The following PLCH1 variants were observed in gnomAD, a reference collection of about 807,000 sequenced individuals.
The protein encoded by PLCH1 is phospholipase C eta 1.
In PLCH1, 60 loss-of-function variants were observed where a neutral mutation model predicts 126.7. The observed-to-expected ratio is 0.47, with a 90% CI of 0.38 to 0.59. The LOEUF is 0.59. Ranked by LOEUF, PLCH1 falls within the 20% of genes least tolerant of loss-of-function variation. PLCH1 has a pLI of 0.00. For missense variants in PLCH1, 1,723 were observed against 2,040.0 expected (o/e 0.84, Z 2.99); for synonymous variants, 719 against 734.9 (o/e 0.98, Z 0.35).
chr3:155,646,461 C>A (rs1740074460), intron 2 of PLCH1, among the ~76,000 whole-genome samples: 1 of 152,188 alleles, frequency 6.6e-6, no homozygotes. Flanking sequence ...CTCAGCACTG[C>A]CGACCATAAT....
chr3:155,490,185 G>C (rs142460028), intron 19 of PLCH1, among the ~76,000 whole-genome samples: 1 of 152,088 alleles, frequency 6.6e-6, no homozygotes, highest in Non-Finnish European at 1.5e-5. Context: ...GGAAAAATAG[G>C]TATACAATAA....
intron 2 of PLCH1, among the ~76,000 whole-genome samples, chr3:155,659,547 T>C (rs1741878252): frequency 6.6e-6 from 1 of 151,918 alleles, no homozygotes; most frequent in South Asian, 2.1e-4. Context: ...TTGCCCAGGC[T>C]GGAGTGCAGT....
At chr3:155,559,361 A>G (rs972829810) in intron 8 of PLCH1, among the ~76,000 whole-genome samples, 1 of 152,170 alleles carries the variant, frequency 6.6e-6, no homozygotes, top group African/African-American at 2.4e-5. Flanking sequence ...AAATCATAGT[A>G]GGTCCTCTTT....
chr3:155,668,084 C>CAAAA (rs756879174), intron 2 of PLCH1, among the ~76,000 whole-genome samples: 8 of 37,976 alleles, frequency 2.1e-4, no homozygotes, highest in African/African-American at 3.5e-4. Flanking sequence ...GACTCCATCT[C>CAAAA]AAAAAAAAAA....
rs552148988 is a variant in PLCH1, at chr3:155,470,856, A to T, written c.2938+14500T>A. Among the ~76,000 whole-genome samples, 11 of 152,108 alleles carry T rather than the reference A, an allele frequency of 7.2e-5. No individual in the cohort carries two copies. The East Asian group carries it at 2.1e-3, about 29-fold the overall frequency. ...TCATAAGTGAAGGAGAAATAAAATA[A>T]TTTACAAACAAGCAAATGCTGAGAG... On this transcript the variant is annotated intron_variant, in intron 21 of 21. Transcript: ENST00000494598.
intron 6 of PLCH1, among the ~76,000 whole-genome samples, chr3:155,580,848 CCTTTT>C (rs1730573753): frequency 6.6e-6 from 1 of 152,106 alleles, no homozygotes; most frequent in Non-Finnish European, 1.5e-5. Context: ...CATTCTCTTT[CCTTTT>C]ATCATAGACT....
At chr3:155,485,911 T>G in intron 21 of PLCH1, 1 of 602,160 alleles carries the variant, frequency 1.7e-6, no homozygotes, top group Non-Finnish European at 2.9e-6. Flanking sequence ...TTGCAAGGAC[T>G]TCAGCCTTCC....
At chr3:155,476,401 C>T (rs949227003), downstream of PLCH1, among the ~76,000 whole-genome samples, 21 of 152,194 alleles carry the variant, frequency 1.4e-4, no homozygotes, top group African/African-American at 5.1e-4. Context: ...AGGGTGCCCA[C>T]TGTCACCATT....
At chr3:155,478,878 C>A (rs1446431890), downstream of PLCH1, among the ~76,000 whole-genome samples, 2 of 152,062 alleles carry the variant, frequency 1.3e-5, no homozygotes, top group Non-Finnish European at 2.9e-5. Flanking sequence ...CTATTTTCTT[C>A]TTTTGGGAGG....
chr3:155,583,501 G>C lies in PLCH1; in HGVS notation c.742C>G (p.Leu248Val). 2 of 1,606,548 alleles carry C rather than the reference G, an allele frequency of 1.2e-6. No homozygotes were observed. Among genetic ancestry groups the C allele is most frequent in the Non-Finnish European group, 1.7e-6 (2 of 1,177,716 alleles). Reference protein sequence around the residue: ...DKKDHLTVEELAQFLKVEQKM... With the variant: ...DKKDHLTVEEVAQFLKVEQKM... The stretch of plus-strand genomic sequence containing the variant: ...TGCTCCACCTTCAAAAACTGAGCCA[G>C]TTCTTCCACAGTTAGGTGATCTTTC... Residue 248 changes from leucine to valine, a missense_variant, in exon 6 of 23, where the codon CTG (leucine) becomes GTG (valine). By Grantham distance (32) the Leu-to-Val change is conservative. Around this residue, in one of 2 missense-constraint regions of PLCH1, gnomAD observed 776 missense variants for 1,062.9 expected, o/e 0.73. Transcript: ENST00000460012.
intron 2 of PLCH1, among the ~76,000 whole-genome samples, chr3:155,600,887 G>A (rs1294765751): frequency 6.6e-6 from 1 of 152,178 alleles, no homozygotes; most frequent in Non-Finnish European, 1.5e-5. Flanking sequence ...ATGAGTCGAA[G>A]ACTATATTCC....
At chr3:155,571,545 C>A (rs1380023768) in intron 6 of PLCH1, among the ~76,000 whole-genome samples, 2 of 152,118 alleles carry the variant, frequency 1.3e-5, no homozygotes, top group African/African-American at 4.8e-5. Flanking sequence ...GGATTACTGG[C>A]ACACGCCACC....
intron 12 of PLCH1, among the ~76,000 whole-genome samples, chr3:155,506,102 T>C (rs963276169): frequency 1.3e-5 from 2 of 152,170 alleles, no homozygotes; most frequent in Non-Finnish European, 2.9e-5. Context: ...TAGGAACCTA[T>C]TATACCCTAA....
chr3:155,628,889 T>C (rs1737686034), intron 2 of PLCH1, among the ~76,000 whole-genome samples: 1 of 152,216 alleles, frequency 6.6e-6, no homozygotes, highest in South Asian at 2.1e-4. Context: ...GGAGATGTTA[T>C]ATTCACTTTA....
Position 155,583,647 on chromosome 3 carries a change from A to T in PLCH1, c.601-5T>A, listed in dbSNP as rs1374222865. ...ATTCTCATCTGTGTCGGCTTCCTGA[A>T]AAGGGCATAGAGAAAATAAAGTAAT... On this transcript the variant is annotated splice_region_variant and splice_polypyrimidine_tract_variant and intron_variant, in intron 5 of 22. Coordinates refer to ENST00000460012, the MANE Select transcript of PLCH1 (RefSeq NM_014996.4). 6.4e-7 allele frequency: 1 copy of T among 1,558,266 alleles called. No individual in the cohort carries two copies. The highest frequency in any genetic ancestry group is 2.3e-5 in the East Asian group (1 of 42,622).
intron 2 of PLCH1, among the ~76,000 whole-genome samples, chr3:155,681,886 G>A (rs941778324): frequency 6.6e-6 from 1 of 152,154 alleles, no homozygotes; most frequent in African/African-American, 2.4e-5. Context: ...CTGAGGCATT[G>A]TCCTGTCTGA....
chr3:155,515,932 G>C (rs1051904882), intron 11 of PLCH1, among the ~76,000 whole-genome samples: 1 of 152,162 alleles, frequency 6.6e-6, no homozygotes, highest in East Asian at 1.9e-4. Flanking sequence ...TGCATAATGG[G>C]TAGCTTTCCA....
At position 155,586,207 on chromosome 3, in the gene PLCH1, C is replaced by A; in HGVS notation, c.471-13G>T. 6.2e-7 allele frequency: 1 copy of A among 1,613,816 alleles called. No individual in the cohort carries two copies. Among genetic ancestry groups the A allele is most frequent in the South Asian group, 1.1e-5 (1 of 91,050 alleles). Reference sequence around the variant, plus strand: ...CTGCTTCACCCATGTGCAGAAAGGTCAAAGAAAACACCTGTGCTCTCATCA... The same window carrying A: ...CTGCTTCACCCATGTGCAGAAAGGTAAAAGAAAACACCTGTGCTCTCATCA... On this transcript the variant is annotated splice_polypyrimidine_tract_variant and intron_variant, in intron 4 of 22. Transcript: ENST00000460012.
At chr3:155,451,501 C>A (rs1712306710) in intron 21 of PLCH1, among the ~76,000 whole-genome samples, 1 of 152,086 alleles carries the variant, frequency 6.6e-6, no homozygotes. Context: ...ATGTAGTGCC[C>A]AGATATTTAG....
Sources: gnomAD v4.1 joint callset for allele counts (sites outside exome capture counted in the v4.1 genomes callset) on GRCh38, gnomAD v4.1.1 for gene constraint, gnomAD v4.1.1 regional missense constraint, MANE v1.5 for transcripts, NCBI Gene and HGNC (gene_info 2026-07-23, HGNC 2026-07-21) for gene names.